ME1: variants seen among roughly 807,000 people sequenced by gnomAD.
ME1 encodes the protein malic enzyme 1.
In ME1, 74 loss-of-function variants were observed where a neutral mutation model predicts 66.4. The ratio of observed to expected loss-of-function variants is 1.11; its 90% CI spans 0.92 to 1.35. The LOEUF (loss-of-function observed/expected upper bound fraction) is 1.35. Among genes scored for constraint, ME1 ranks in the 40% most tolerant of loss-of-function variants. The pLI is 0.00. For synonymous variants in ME1, 251 were observed against 235.6 expected, an observed-to-expected ratio of 1.07 and a Z score of -0.60; for missense variants, 750 against 694.1, an observed-to-expected ratio of 1.08 and a Z score of -0.90.
chr6:83,285,119 T>C (rs1270317135), intron 6 of ME1, among the ~76,000 whole-genome samples: 3 of 152,170 alleles, frequency 2.0e-5, no homozygotes, highest in Non-Finnish European at 4.4e-5. Context: ...GGGGGTATAA[T>C]ATATCACAAA....
chr6:83,270,470 A>G (rs1767064214), intron 6 of ME1, among the ~76,000 whole-genome samples: 1 of 152,078 alleles, frequency 6.6e-6, no homozygotes, highest in South Asian at 2.1e-4. Flanking sequence ...TCCTCTGACA[A>G]AAGTGATCAC....
At position 83,237,349 on chromosome 6, in the gene ME1, GA is replaced by G. The variant is rs1434353073; in HGVS notation, c.1026+367del. The stretch of plus-strand genomic sequence containing the variant: ...GAAAGGAAGGAAGGAAGGAAAGAAA[GA>G]AAAAGAAAGAAAGAAAGAAAGAAAA... On this transcript the variant is annotated intron_variant, in intron 9 of 13. Transcript: ENST00000369705. 6.5e-5 allele frequency among the ~76,000 whole-genome samples: 8 copies of G among 123,678 alleles called. No homozygotes were observed. The East Asian group carries it at 2.1e-3, about 32-fold the overall frequency. 81.1% of individuals were successfully genotyped at this position (123,678 alleles called of 152,430 possible).
rs572855925 is a variant in ME1, at chr6:83,308,436, G to A, written c.704+6874C>T. ...AATTTTAGGCAGTAAAGCTGAAGCTGTCTCTATATTTCTATTAATTTTCAG... is the reference window on the plus strand; with the variant it reads ...AATTTTAGGCAGTAAAGCTGAAGCTATCTCTATATTTCTATTAATTTTCAG... On this transcript the variant is annotated intron_variant, in intron 6 of 13. Transcript: ENST00000369705. Among the ~76,000 whole-genome samples the A allele has an allele frequency of 8.0e-5, 12 of 149,856 alleles. No homozygotes were observed. In the South Asian group the frequency reaches 2.3e-3, roughly 29 times the overall value.
At chr6:83,243,286 T>A (rs549656191) in intron 7 of ME1, among the ~76,000 whole-genome samples, 2 of 143,300 alleles carry the variant, frequency 1.4e-5, no homozygotes, top group Non-Finnish European at 3.0e-5. Context: ...TAAATATATA[T>A]ATTTAATTAT....
Position 83,398,464 on chromosome 6 carries a change from C to T in ME1, c.265G>A (p.Val89Met). 1 of 1,589,222 alleles carries T rather than the reference C, an allele frequency of 6.3e-7. No homozygotes were observed. The highest frequency in any genetic ancestry group is 8.6e-7 in the Non-Finnish European group (1 of 1,163,150). ...AATTTCTCAATGTCAGATGTCAGCA[C>T]TCTATAAAAGAGTTTTTCATTTCTA... Reference protein sequence around the residue: ...QDRNEKLFYRVLTSDIEKFMP... With the variant: ...QDRNEKLFYRMLTSDIEKFMP... The change falls in exon 3 of 14, where the codon GTG (valine) becomes ATG (methionine). Residue 89 changes from valine (V) to methionine (M), a missense_variant. Transcript: ENST00000369705.
intron 6 of ME1, among the ~76,000 whole-genome samples, chr6:83,292,625 G>A (rs113525918): frequency 3.9e-5 from 6 of 152,274 alleles, no homozygotes; most frequent in South Asian, 4.2e-4. Flanking sequence ...GAGCCCAAAC[G>A]CCATGCTGGG....
intron 3 of ME1, among the ~76,000 whole-genome samples, chr6:83,372,764 C>T (rs185160418): frequency 8.7e-4 from 133 of 152,210 alleles, no homozygotes; most frequent in African/African-American, 3.1e-3. Flanking sequence ...GTAGAGTAGA[C>T]CAGTGGGAGA....
chr6:83,313,249 C>A (rs1297934948), intron 6 of ME1, among the ~76,000 whole-genome samples: 1 of 152,108 alleles, frequency 6.6e-6, no homozygotes, highest in African/African-American at 2.4e-5. Flanking sequence ...AATGTTATGA[C>A]AGAAAGTATT....
At chr6:83,370,460 C>T (rs190221649) in intron 3 of ME1, among the ~76,000 whole-genome samples, 20 of 152,048 alleles carry the variant, frequency 1.3e-4, no homozygotes, top group Admixed American at 3.3e-4. Context: ...GAGAGGAAAA[C>T]GAGACAATTT....
At chr6:83,247,164 C>A (rs1045739676) in intron 7 of ME1, among the ~76,000 whole-genome samples, 27 of 152,066 alleles carry the variant, frequency 1.8e-4, no homozygotes, top group Middle Eastern at 3.4e-3. Flanking sequence ...TTTCTATGTG[C>A]AATATTTAGA....
At chr6:83,345,537 T>C (rs184623785) in intron 5 of ME1, among the ~76,000 whole-genome samples, 1,563 of 152,318 alleles carry the variant, frequency 0.01, 13 homozygotes, top group Non-Finnish European at 0.016. Context: ...TATTTGATGA[T>C]ATATCTGTTT....
At chr6:83,342,555 AC>A (rs1768607466) in intron 5 of ME1, among the ~76,000 whole-genome samples, 2 of 152,332 alleles carry the variant, frequency 1.3e-5, no homozygotes, top group South Asian at 4.1e-4. Context: ...GATATTCAAT[AC>A]TTTTTAAAAA....
intron 6 of ME1, among the ~76,000 whole-genome samples, chr6:83,256,151 C>A (rs1315852973): frequency 6.6e-6 from 1 of 152,056 alleles, no homozygotes; most frequent in African/African-American, 2.4e-5. Flanking sequence ...CTGTTCTGTG[C>A]CTCTGATTTC....
At chr6:83,361,557 G>C (rs1208139707) in intron 3 of ME1, among the ~76,000 whole-genome samples, 2 of 152,246 alleles carry the variant, frequency 1.3e-5, no homozygotes, top group Non-Finnish European at 2.9e-5. Flanking sequence ...GTCAGTGGCA[G>C]ATAGGGATGC....
chr6:83,270,052 T>C (rs1767057246), intron 6 of ME1, among the ~76,000 whole-genome samples: 1 of 152,076 alleles, frequency 6.6e-6, no homozygotes, highest in Non-Finnish European at 1.5e-5. Flanking sequence ...ATATCATATA[T>C]CTCATTCTTT....
chr6:83,260,933 C>A (rs1287825052), intron 6 of ME1, among the ~76,000 whole-genome samples: 4 of 152,042 alleles, frequency 2.6e-5, no homozygotes, highest in Non-Finnish European at 5.9e-5. Context: ...TGTGTGCATG[C>A]ATCTTTGTGG....
intron 5 of ME1, among the ~76,000 whole-genome samples, chr6:83,319,860 T>C (rs1320488010): frequency 6.6e-6 from 1 of 152,180 alleles, no homozygotes; most frequent in Non-Finnish European, 1.5e-5. Flanking sequence ...CCTCCAGCTA[T>C]GAATGAGAAT....
chr6:83,274,334 G>A (rs921541949), intron 6 of ME1, among the ~76,000 whole-genome samples: 5 of 152,006 alleles, frequency 3.3e-5, no homozygotes, highest in African/African-American at 1.2e-4. Flanking sequence ...TGAAGTACAG[G>A]AGCTTATAAA....
chr6:83,407,971 A>G lies in ME1; in HGVS notation c.79-70T>C, dbSNP rs967703525. ...GAAAATAGACAAAAAGCATACATAT[A>G]AAATCTGACAAGTATATGCAATTAA... On this transcript the variant is annotated intron_variant, in intron 1 of 13. Transcript: ENST00000369705. The G allele has an allele frequency of 4.7e-6, 7 of 1,480,118 alleles. No homozygotes were observed. In the East Asian group the frequency reaches 7.2e-5, roughly 15 times the overall value. 91.7% of individuals were successfully genotyped at this position (1,480,118 alleles called of 1,614,324 possible). A position where few individuals can be genotyped will look rare whatever the true frequency, so the allele number is the denominator to read the frequency against.
Sources: allele counts gnomAD v4.1 joint callset (sites outside exome capture counted in the v4.1 genomes callset), GRCh38; gene constraint gnomAD v4.1.1; transcripts MANE v1.5; gene names NCBI Gene and HGNC (gene_info 2026-07-23, HGNC 2026-07-21).